Variants in CEP295 observed in about 807,000 individuals in gnomAD.
The protein encoded by CEP295 is centrosomal protein 295, also known as centrosomal protein of 295 kDa.
CEP295 carries 190 observed loss-of-function variants against 291.6 expected under a neutral mutation model. The ratio of observed to expected loss-of-function variants is 0.65; its 90% CI spans 0.58 to 0.73. The LOEUF is 0.73. CEP295 is among the 30% of genes least tolerant of loss of function. The pLI, the probability that CEP295 is intolerant of heterozygous loss-of-function variation, is 0.00. For missense variants in CEP295, 2,863 were observed against 2,949.4 expected, an observed-to-expected ratio of 0.97 and a Z score of 0.68; for synonymous variants, 993 against 1,038.8, an observed-to-expected ratio of 0.96 and a Z score of 0.85.
rs1413320418 is a variant in CEP295, at chr11:93,697,139, C to T, written c.2227C>T (p.Leu743=). The T allele has an allele frequency of 6.4e-7, 1 of 1,551,884 alleles. No individual in the cohort carries two copies. Among genetic ancestry groups the T allele is most frequent in the South Asian group, 1.2e-5 (1 of 84,066 alleles). Reference sequence around the variant, plus strand: ...AAGGGCTTTGTCACATGACAGGCAGCTAATATCACAGGATGCTAGAAAAAT... The same window carrying T: ...AAGGGCTTTGTCACATGACAGGCAGTTAATATCACAGGATGCTAGAAAAAT... ...LSRALSHDRQ[L]ISQDARKISE... is the part of the protein sequence containing the mutation. The change falls in exon 15 of 30, where the codon CTA becomes TTA. Residue 743 remains leucine, a synonymous_variant. Coordinates refer to ENST00000325212, the MANE Select transcript of CEP295 (RefSeq NM_033395.2).
In CEP295 at chr11:93,675,560, C is replaced by T; in HGVS notation, c.529-11C>T. 7.2e-7 allele frequency: 1 copy of T among 1,392,868 alleles called. No individual in the cohort carries two copies. 86.3% of individuals were successfully genotyped at this position (1,392,868 alleles called of 1,614,324 possible). On this transcript the variant is annotated splice_polypyrimidine_tract_variant and intron_variant, in intron 5 of 29. Coordinates refer to ENST00000325212, the MANE Select transcript of CEP295 (RefSeq NM_033395.2). ...TGCTTTTAACCTATTTTTTTATGTT[C>T]TCTTTTCCAGAACATCGAAGTAAAA...
intron 7 of CEP295, among the ~76,000 whole-genome samples, chr11:93,680,659 A>C (rs541958179): frequency 6.6e-6 from 1 of 152,364 alleles, no homozygotes; most frequent in South Asian, 2.1e-4. Flanking sequence ...ATCAATCAAT[A>C]AATAGTGACT....
intron 15 of CEP295, among the ~76,000 whole-genome samples, chr11:93,702,022 G>A (rs372355461): frequency 2.0e-5 from 3 of 147,240 alleles, no homozygotes; most frequent in Admixed American, 2.0e-4. Flanking sequence ...GCAGTGGCAC[G>A]ATCTTGGCTC....
At chr11:93,724,217 C>T in intron 21 of CEP295, 37 bp from the exon 22 acceptor site, 1 of 1,511,212 alleles carries the variant, frequency 6.6e-7, no homozygotes, top group South Asian at 1.3e-5. Flanking sequence ...TGATTTTTTT[C>T]CCTCAAAAAT....
Position 93,728,906 on chromosome 11 carries a change from T to G in CEP295, c.7302+85T>G, listed in dbSNP as rs918204272. 29 of 1,241,492 alleles carry G rather than the reference T, an allele frequency of 2.3e-5. No homozygotes were observed. In the Middle Eastern group the frequency reaches 8.3e-4, roughly 36 times the overall value. 76.9% of individuals were successfully genotyped at this position (1,241,492 alleles called of 1,614,324 possible). A position where few individuals can be genotyped will look rare whatever the true frequency, so the allele number is the denominator to read the frequency against. ...TTACAACTTATCAGAAGGTACTCAT[T>G]GGAGGGAATTATGCTATGCATTTAA... On this transcript the variant is annotated intron_variant, in intron 25 of 29. Transcript: ENST00000325212.
intron 10 of CEP295, among the ~76,000 whole-genome samples, chr11:93,689,733 C>G (rs1316064622): frequency 6.6e-6 from 1 of 152,154 alleles, no homozygotes. Context: ...ATCTTAATGC[C>G]TACCCCACCC....
chr11:93,681,377 C>G (rs1950951398), intron 7 of CEP295, among the ~76,000 whole-genome samples: 1 of 138,764 alleles, frequency 7.2e-6, no homozygotes, highest in South Asian at 2.4e-4. Context: ...GCTGGGACTA[C>G]AGGCTCGCGT....
rs376726718 is a variant in CEP295, at chr11:93,699,471, G to A, written c.4559G>A (p.Arg1520Gln). 9.7e-6 allele frequency: 15 copies of A among 1,551,558 alleles called. No individual in the cohort carries two copies. Among genetic ancestry groups the A allele is most frequent in the Admixed American group, 7.8e-5 (4 of 50,984 alleles). ...QQLDTQKKAI[R>Q]SIQEVQEELL... is the part of the protein sequence containing the mutation. ...TTAGATACACAGAAGAAAGCCATTC[G>A]ATCTATACAGGAAGTCCAAGAAGAA... The change falls in exon 15 of 30, where the codon CGA (arginine) becomes CAA (glutamine). Residue 1520 changes from arginine (R) to glutamine (Q), a missense_variant. This residue lies in a region of CEP295 where 2,295 missense variants were observed against 2,335.7 expected (regional missense o/e 0.98). Coordinates refer to ENST00000325212, the MANE Select transcript of CEP295 (RefSeq NM_033395.2).
chr11:93,672,051 G>A (rs1950476363), intron 5 of CEP295, among the ~76,000 whole-genome samples: 1 of 152,128 alleles, frequency 6.6e-6, no homozygotes, highest in African/African-American at 2.4e-5. Flanking sequence ...AGCCCTGCAT[G>A]TTAGATATTT....
chr11:93,671,886 C>T (rs1950467211), intron 5 of CEP295, among the ~76,000 whole-genome samples: 1 of 152,152 alleles, frequency 6.6e-6, no homozygotes, highest in Non-Finnish European at 1.5e-5. Flanking sequence ...TAAACCTAGA[C>T]TGTTTAGTCT....
chr11:93,665,445 C>T (rs1465008233), intron 1 of CEP295, among the ~76,000 whole-genome samples: 1 of 152,228 alleles, frequency 6.6e-6, no homozygotes, highest in African/African-American at 2.4e-5. Context: ...TGGTGGCTCA[C>T]ACCTTTAATC....
Position 93,696,812 on chromosome 11 carries a change from A to G in CEP295, c.1900A>G (p.Lys634Glu), listed in dbSNP as rs1951867540. 1 of 1,551,594 alleles carries G rather than the reference A, an allele frequency of 6.4e-7. No homozygotes were observed. The highest frequency in any genetic ancestry group is 2.0e-5 in the Admixed American group (1 of 50,958). ...TDSVISVPSWKSERPTAISEH... is the reference protein window; with the variant it reads ...TDSVISVPSWESERPTAISEH... ...TTCTGTTATATCAGTGCCATCATGG[A>G]AATCTGAGAGACCGACTGCTATATC... The change falls in exon 15 of 30, where the codon AAA becomes GAA. Residue 634 changes from lysine (K) to glutamate (E), a missense_variant. This residue lies in a region of CEP295 where 2,295 missense variants were observed against 2,335.7 expected (regional missense o/e 0.98). Coordinates refer to ENST00000325212, the MANE Select transcript of CEP295 (RefSeq NM_033395.2).
intron 20 of CEP295, 53 bp downstream of exon 20, chr11:93,722,103 T>C (rs1348147518): frequency 2.9e-6 from 3 of 1,026,836 alleles, no homozygotes; most frequent in East Asian, 2.6e-5. Flanking sequence ...ACCAGTTGAG[T>C]TGCAATACAG....
chr11:93,686,655 G>A (rs1364318455), intron 9 of CEP295, among the ~76,000 whole-genome samples: 1 of 152,144 alleles, frequency 6.6e-6, no homozygotes, highest in Non-Finnish European at 1.5e-5. Flanking sequence ...ATGTTTATAT[G>A]AAGGTTTTAA....
At chr11:93,685,780 G>T (rs1264582062) in intron 9 of CEP295, among the ~76,000 whole-genome samples, 1 of 152,094 alleles carries the variant, frequency 6.6e-6, no homozygotes, top group Non-Finnish European at 1.5e-5. Flanking sequence ...GCACGATCTT[G>T]GCTCACCACA....
intron 1 of CEP295, among the ~76,000 whole-genome samples, chr11:93,663,376 C>T (rs542131220): frequency 5.8e-4 from 89 of 152,326 alleles, no homozygotes; most frequent in South Asian, 1.4e-3. Context: ...CCCTCACACA[C>T]GCATTTCTCC....
In CEP295 at chr11:93,699,672, A is replaced by G. The variant is rs1464131445; in HGVS notation, c.4760A>G (p.Asp1587Gly). 4 of 1,551,528 alleles carry G rather than the reference A, an allele frequency of 2.6e-6. No individual in the cohort carries two copies. The highest frequency in any genetic ancestry group is 1.4e-5 in the African/African-American group (1 of 73,192). The change falls in exon 15 of 30, where the codon GAT (aspartate) becomes GGT (glycine). Residue 1587 changes from aspartate to glycine, a missense_variant. This residue lies in a region of CEP295 where 2,295 missense variants were observed against 2,335.7 expected (regional missense o/e 0.98). Coordinates refer to ENST00000325212, the MANE Select transcript of CEP295 (RefSeq NM_033395.2). ...SSHREIPRLQ[D>G]RLLSLSKPIL... ...CATCGTGAGATTCCAAGATTACAGGATAGACTTTTGAGTTTATCAAAGCCT... is the reference window on the plus strand; with the variant it reads ...CATCGTGAGATTCCAAGATTACAGGGTAGACTTTTGAGTTTATCAAAGCCT...
chr11:93,730,146 A>G lies in CEP295; in HGVS notation c.7765A>G (p.Lys2589Glu), dbSNP rs1311478019. Residue 2589 changes from lysine to glutamate, a missense_variant and splice_region_variant, in exon 29 of 30, where the codon AAG (lysine) becomes GAG (glutamate). Coordinates refer to ENST00000325212, the MANE Select transcript of CEP295 (RefSeq NM_033395.2). The part of the protein sequence containing the change: ...QNRARAKEFH[K>E]KTLEKLRAKN... ...CAGAGCAAGGGCAAAAGAATTCCAT[A>G]AGGTGAGTATAACTGAGGGAGAAGG... is the stretch of plus-strand genomic sequence containing the variant. The G allele has an allele frequency of 1.6e-5, 25 of 1,550,918 alleles. No individual in the cohort carries two copies. The highest frequency in any genetic ancestry group is 2.2e-5 in the Non-Finnish European group (25 of 1,146,778).
In CEP295 at chr11:93,699,995, T is replaced by A. The variant is rs1054284872; in HGVS notation, c.5083T>A (p.Leu1695Met). The A allele has an allele frequency of 2.6e-6, 4 of 1,551,726 alleles. No homozygotes were observed. The South Asian group carries it at 4.8e-5, about 18-fold the overall frequency. The change falls in exon 15 of 30, where the codon TTG becomes ATG. Residue 1695 changes from leucine to methionine, a missense_variant. By Grantham distance (15) the Leu-to-Met change is conservative. Coordinates refer to ENST00000325212, the MANE Select transcript of CEP295 (RefSeq NM_033395.2). Reference sequence around the variant, plus strand: ...GATCCCAGGGTTTCAAGATAGACTTTTGAGTTTTTCACAGTCTGTCTTAAC... The same window carrying A: ...GATCCCAGGGTTTCAAGATAGACTTATGAGTTTTTCACAGTCTGTCTTAAC... The part of the protein sequence containing the change: ...PVIPGFQDRL[L>M]SFSQSVLTQQ...
Sources: allele counts gnomAD v4.1 joint callset (sites outside exome capture counted in the v4.1 genomes callset), GRCh38; gene constraint gnomAD v4.1.1; regional missense constraint gnomAD v4.1.1; transcripts MANE v1.5; gene names NCBI Gene and HGNC (gene_info 2026-07-23, HGNC 2026-07-21).